Variants in CAMTA1 observed in about 807,000 individuals in gnomAD.
CAMTA1 encodes the protein calmodulin binding transcription activator 1.
CAMTA1 carries 27 observed loss-of-function variants against 170.9 expected under a neutral mutation model. The observed-to-expected ratio is 0.16, with a 90% CI of 0.12 to 0.22. The LOEUF (loss-of-function observed/expected upper bound fraction) is 0.22. Ranked by LOEUF, CAMTA1 falls within the 10% of genes least tolerant of loss-of-function variation. CAMTA1 has a pLI of 1.00. For synonymous variants in CAMTA1, 833 were observed against 891.5 expected (o/e 0.93, Z 1.17); for missense variants, 1,619 against 2,217.2 (o/e 0.73, Z 5.42).
At position 7,004,928 on chromosome 1, in the gene CAMTA1, C is replaced by T. The variant is rs187972243; in HGVS notation, c.235-86376C>T. Among the ~76,000 whole-genome samples the T allele has an allele frequency of 4.6e-4, 70 of 152,220 alleles. 1 individual carries two copies. The East Asian group carries it at 0.012, about 27-fold the overall frequency. On this transcript the variant is annotated intron_variant, in intron 3 of 22. Coordinates refer to ENST00000303635, the MANE Select transcript of CAMTA1 (RefSeq NM_015215.4). ...GATTACAGGCACATGCCATCACACC[C>T]GGCTAATTTTTTTTTGTGTTTTTAG...
chr1:7,416,074 G>C (rs908547877), intron 5 of CAMTA1, among the ~76,000 whole-genome samples: 2 of 152,184 alleles, frequency 1.3e-5, no homozygotes, highest in African/African-American at 4.8e-5. Context: ...TTTTAAGAAT[G>C]TTGAATATTG....
intron 11 of CAMTA1, among the ~76,000 whole-genome samples, chr1:7,713,554 G>A (rs2096587147): frequency 1.3e-5 from 2 of 151,938 alleles, no homozygotes; most frequent in Admixed American, 6.6e-5. Flanking sequence ...TTCCCTTAAT[G>A]AGGTGTAAAT....
chr1:7,379,755 C>G (rs1422548412), intron 5 of CAMTA1, among the ~76,000 whole-genome samples: 6 of 152,216 alleles, frequency 3.9e-5, no homozygotes, highest in African/African-American at 9.6e-5. Flanking sequence ...GTCTTTGTTT[C>G]TGACACCTCG....
chr1:7,516,589 A>C (rs1188604987), intron 6 of CAMTA1, among the ~76,000 whole-genome samples: 2 of 152,134 alleles, frequency 1.3e-5, no homozygotes, highest in Non-Finnish European at 2.9e-5. Context: ...CTGCTTAGAC[A>C]TTTCAGGATT....
At chr1:7,695,749 T>C (rs907230522) in intron 11 of CAMTA1, among the ~76,000 whole-genome samples, 1 of 152,076 alleles carries the variant, frequency 6.6e-6, no homozygotes, top group Non-Finnish European at 1.5e-5. Context: ...GGCATGCGAG[T>C]GTGTGTCATG....
At chr1:6,893,603 A>G (rs1325728604) in intron 3 of CAMTA1, among the ~76,000 whole-genome samples, 1 of 152,160 alleles carries the variant, frequency 6.6e-6, no homozygotes, top group Non-Finnish European at 1.5e-5. Flanking sequence ...ATGCGCACTG[A>G]GGGGGTTGTG....
At chr1:7,555,281 AT>A (rs1392390985) in intron 6 of CAMTA1, among the ~76,000 whole-genome samples, 2 of 152,142 alleles carry the variant, frequency 1.3e-5, no homozygotes, top group African/African-American at 2.4e-5. Flanking sequence ...ATTTGTTTCC[AT>A]TTTTAAAGTG....
chr1:7,402,486 C>T (rs918576639), intron 5 of CAMTA1, among the ~76,000 whole-genome samples: 3 of 152,308 alleles, frequency 2.0e-5, no homozygotes, highest in African/African-American at 7.2e-5. Context: ...AGATATCTGT[C>T]CCATCGCCCA....
At chr1:7,731,588 GAAAA>G (rs1255897426) in intron 11 of CAMTA1, among the ~76,000 whole-genome samples, 1 of 144,772 alleles carries the variant, frequency 6.9e-6, no homozygotes, top group Non-Finnish European at 1.5e-5. Flanking sequence ...AAAAAAAAAA[GAAAA>G]GAAAGAAATG....
chr1:6,962,783 C>A (rs1162930626), intron 3 of CAMTA1, among the ~76,000 whole-genome samples: 1 of 151,148 alleles, frequency 6.6e-6, no homozygotes, highest in East Asian at 2.0e-4. Flanking sequence ...TCTGGACCCA[C>A]CCCTCTTTTT....
At chr1:7,571,187 G>A (rs1350872020) in intron 6 of CAMTA1, among the ~76,000 whole-genome samples, 7 of 152,220 alleles carry the variant, frequency 4.6e-5, no homozygotes, top group African/African-American at 1.2e-4. Flanking sequence ...CAAGGTCCCA[G>A]TAGACTTAGT....
At chr1:6,955,640 T>C (rs1445709692) in intron 3 of CAMTA1, among the ~76,000 whole-genome samples, 1 of 152,200 alleles carries the variant, frequency 6.6e-6, no homozygotes, top group Non-Finnish European at 1.5e-5. Flanking sequence ...AGGTTTCTCC[T>C]GAAGGCCCTA....
At chr1:7,469,663 G>A (rs1412426278) in intron 6 of CAMTA1, among the ~76,000 whole-genome samples, 1 of 152,186 alleles carries the variant, frequency 6.6e-6, no homozygotes, top group Non-Finnish European at 1.5e-5. Flanking sequence ...GCTCCTCCAG[G>A]CTGGTCTGCT....
intron 7 of CAMTA1, among the ~76,000 whole-genome samples, chr1:7,661,226 T>C (rs2095953897): frequency 7.0e-6 from 1 of 143,542 alleles, no homozygotes; most frequent in African/African-American, 2.6e-5. Flanking sequence ...GCCAGAGTCT[T>C]ACCCCCCAGG....
chr1:7,007,570 GC>G lies in CAMTA1; in HGVS notation c.235-83731del, dbSNP rs1443411546. ...GGGGCTCAGTTTACCTCCTGCTTCA[GC>G]CCTTACTCGCCTCCTCCAATCCCAA... On this transcript the variant is annotated intron_variant, in intron 3 of 22. Transcript: ENST00000303635. The surrounding 1 kb of genome is among the most constrained non-coding windows in gnomAD (Gnocchi z 4.5). 7.9e-5 allele frequency among the ~76,000 whole-genome samples: 12 copies of G among 152,128 alleles called. No individual in the cohort carries two copies. The highest frequency in any genetic ancestry group is 2.7e-4 in the African/African-American group (11 of 41,430).
chr1:7,416,580 G>A (rs1049455311), intron 5 of CAMTA1, among the ~76,000 whole-genome samples: 4 of 151,958 alleles, frequency 2.6e-5, no homozygotes, highest in African/African-American at 7.3e-5. Flanking sequence ...CATTCTTCAC[G>A]TAGTTCTCGA....
rs796305032 is a variant in CAMTA1 at position 6,940,952 on chromosome 1, G to A, written c.234+115742G>A. On this transcript the variant is annotated intron_variant, in intron 3 of 22. Transcript: ENST00000303635. Reference sequence around the variant, plus strand: ...GGAAAGGGGATCCTCAGGGGGAGGGGGGATCCTTGCAAGGTGGGGGGATCC... The same window carrying A: ...GGAAAGGGGATCCTCAGGGGGAGGGAGGATCCTTGCAAGGTGGGGGGATCC... 9.9e-3 allele frequency among the ~76,000 whole-genome samples: 1,473 copies of A among 149,314 alleles called. 21 individuals carry two copies. Among genetic ancestry groups the A allele is most frequent in the African/African-American group, 0.035 (1,368 of 39,558 alleles).
chr1:6,812,552 GT>G (rs903116140), intron 1 of CAMTA1, among the ~76,000 whole-genome samples: 1 of 151,796 alleles, frequency 6.6e-6, no homozygotes, highest in Non-Finnish European at 1.5e-5. Flanking sequence ...ATGTTATACA[GT>G]TTTTTTTACT....
chr1:7,525,498 ATAT>A (rs1486664744), intron 6 of CAMTA1, among the ~76,000 whole-genome samples: 3 of 151,884 alleles, frequency 2.0e-5, no homozygotes, highest in African/African-American at 4.8e-5. Context: ...CTCTTCAATA[ATAT>A]TATTATTATC....
Sources: allele counts gnomAD v4.1 joint callset (sites outside exome capture counted in the v4.1 genomes callset), GRCh38; gene constraint gnomAD v4.1.1; non-coding constraint Gnocchi (gnomAD v3.1); transcripts MANE v1.5; gene names NCBI Gene and HGNC (gene_info 2026-07-23, HGNC 2026-07-21).